ARHGAP28: variants seen among roughly 807,000 people sequenced by gnomAD.
ARHGAP28 encodes Rho GTPase activating protein 28.
A neutral mutation model predicts 90.7 loss-of-function variants in ARHGAP28; 56 were observed. That is an observed-to-expected ratio of 0.62 (90% CI 0.50 to 0.77). The LOEUF (loss-of-function observed/expected upper bound fraction) is 0.77. ARHGAP28 is among the 30% of genes least tolerant of loss of function. The pLI is 0.00. For synonymous variants in ARHGAP28, 308 were observed against 323.3 expected, an observed-to-expected ratio of 0.95 and a Z score of 0.51; for missense variants, 869 against 900.9, an observed-to-expected ratio of 0.96 and a Z score of 0.45.
At position 6,873,772 on chromosome 18, in the gene ARHGAP28, A is replaced by G. The variant is rs780286739; in HGVS notation, c.1209A>G (p.Gln403=). Residue 403 remains glutamine, a synonymous_variant, in exon 9 of 18, where the codon CAA becomes CAG. Coordinates refer to ENST00000383472, the MANE Select transcript of ARHGAP28 (RefSeq NM_001366230.1). Reference sequence around the variant, plus strand: ...GAGTGAAAGTTCCCCTGGTATTACAAAAAGTGAGTAGCAGGCAAATGAAAG... The same window carrying G: ...GAGTGAAAGTTCCCCTGGTATTACAGAAAGTGAGTAGCAGGCAAATGAAAG... ...DPGVKVPLVL[Q]KFFEKVEESG... 11 of 1,613,114 alleles carry G rather than the reference A, an allele frequency of 6.8e-6. No individual in the cohort carries two copies. In the Admixed American group the frequency reaches 8.3e-5, roughly 12 times the overall value.
chr18:6,813,147 A>T (rs1174190344), intron 1 of ARHGAP28, among the ~76,000 whole-genome samples: 2 of 152,242 alleles, frequency 1.3e-5, no homozygotes, highest in Admixed American at 6.5e-5. Flanking sequence ...CCACAGGGAA[A>T]GCTGAGTAAA....
intron 16 of ARHGAP28, among the ~76,000 whole-genome samples, chr18:6,904,737 G>T (rs538273037): frequency 1.6e-4 from 24 of 152,150 alleles, no homozygotes; most frequent in South Asian, 1.2e-3. Context: ...ATCAAAAACA[G>T]GATGGGATAT....
chr18:6,915,220 A>G lies in ARHGAP28; in HGVS notation c.*3066A>G, dbSNP rs6506454. 123,192 of 152,126 alleles carry G rather than the reference A, an allele frequency of 0.81. 50,182 individuals carry two copies. The highest frequency in any genetic ancestry group is 0.86 in the Non-Finnish European group (58,423 of 68,014). The allele number at this position is 152,126 out of a possible 1,614,324, so 9.4% of individuals were successfully genotyped here. ...TAACCATGTGCAGATGCAAGCGTTCAGGAGTAGGAATTAATGTCCATCTTT... is the reference window on the plus strand; with the variant it reads ...TAACCATGTGCAGATGCAAGCGTTCGGGAGTAGGAATTAATGTCCATCTTT... On this transcript the variant is annotated 3_prime_UTR_variant, in exon 18 of 18. Coordinates refer to ENST00000383472, the MANE Select transcript of ARHGAP28 (RefSeq NM_001366230.1).
chr18:6,826,683 C>CTT (rs36069648), intron 2 of ARHGAP28, among the ~76,000 whole-genome samples: 4,615 of 88,242 alleles, frequency 0.052, 227 homozygotes, highest in African/African-American at 0.066. Flanking sequence ...GGATTTTGAG[C>CTT]TTTTTTTTTT....
intron 1 of ARHGAP28, among the ~76,000 whole-genome samples, chr18:6,741,681 C>A (rs1250803349): frequency 3.9e-5 from 6 of 152,148 alleles, no homozygotes; most frequent in African/African-American, 1.4e-4. Context: ...AGTGCTTTGC[C>A]ATTTAGCGGA....
At chr18:6,775,666 T>A (rs2056277964) in intron 1 of ARHGAP28, among the ~76,000 whole-genome samples, 5 of 152,206 alleles carry the variant, frequency 3.3e-5, no homozygotes, top group Admixed American at 3.3e-4. Flanking sequence ...TGGTGATGAT[T>A]ACTAAATAGG....
chr18:6,874,407 G>C (rs2057115309), intron 9 of ARHGAP28, among the ~76,000 whole-genome samples: 1 of 152,164 alleles, frequency 6.6e-6, no homozygotes, highest in Non-Finnish European at 1.5e-5. Flanking sequence ...TAATATCTCT[G>C]TGACTATTGT....
chr18:6,818,100 C>T (rs972768069), intron 1 of ARHGAP28, among the ~76,000 whole-genome samples: 5 of 152,322 alleles, frequency 3.3e-5, no homozygotes, highest in South Asian at 2.1e-4. Flanking sequence ...CATGTATTCA[C>T]TCCTCGTAAC....
intron 10 of ARHGAP28, among the ~76,000 whole-genome samples, chr18:6,880,892 C>T (rs2057172894): frequency 6.6e-6 from 1 of 152,230 alleles, no homozygotes; most frequent in Non-Finnish European, 1.5e-5. Flanking sequence ...CATGCATCCT[C>T]TTTTCAGAGC....
chr18:6,876,859 A>G (rs2057134980), intron 10 of ARHGAP28, among the ~76,000 whole-genome samples: 1 of 152,212 alleles, frequency 6.6e-6, no homozygotes, highest in Non-Finnish European at 1.5e-5. Flanking sequence ...GGCAAACTCT[A>G]CAGTACAATA....
intron 1 of ARHGAP28, among the ~76,000 whole-genome samples, chr18:6,775,567 C>T (rs1261208938): frequency 2.0e-5 from 3 of 152,076 alleles, no homozygotes; most frequent in South Asian, 2.1e-4. Flanking sequence ...TAAGCAAAAC[C>T]GAGGGCAATG....
chr18:6,795,736 G>A (rs1433208869), intron 1 of ARHGAP28, among the ~76,000 whole-genome samples: 1 of 152,084 alleles, frequency 6.6e-6, no homozygotes, highest in Non-Finnish European at 1.5e-5. Flanking sequence ...CCTGCTCTAG[G>A]TCACACTTGA....
At chr18:6,780,843 G>T (rs1023257147) in intron 1 of ARHGAP28, among the ~76,000 whole-genome samples, 3 of 147,866 alleles carry the variant, frequency 2.0e-5, no homozygotes, top group Non-Finnish European at 4.4e-5. Flanking sequence ...AGTGAGCCGA[G>T]ATCACGCCAT....
chr18:6,863,715 T>C (rs964940041), intron 5 of ARHGAP28, among the ~76,000 whole-genome samples: 16 of 151,676 alleles, frequency 1.1e-4, no homozygotes, highest in Middle Eastern at 3.4e-3. Context: ...GTATATATTT[T>C]TGATATATTT....
rs376919020 is a variant in ARHGAP28, at chr18:6,868,177, C to T, written c.754C>T (p.Pro252Ser). Reference protein sequence around the residue: ...VAILETIPVLPVHSNGSPEPG... With the variant: ...VAILETIPVLSVHSNGSPEPG... The stretch of plus-strand genomic sequence containing the variant: ...TATACTTGAGACCATTCCAGTTCTA[C>T]CAGTTCATTCCAATGGATCACCGGA... Residue 252 changes from proline (P) to serine (S), a missense_variant, in exon 6 of 18, where the codon CCA (proline) becomes TCA (serine). Pro to Ser is a moderately conservative substitution (Grantham distance 74). Coordinates refer to ENST00000383472, the MANE Select transcript of ARHGAP28 (RefSeq NM_001366230.1). 3.1e-6 allele frequency: 5 copies of T among 1,614,116 alleles called. No individual in the cohort carries two copies. The highest frequency in any genetic ancestry group is 2.2e-5 in the East Asian group (1 of 44,880).
chr18:6,876,149 G>A lies in ARHGAP28; in HGVS notation c.1231G>A (p.Glu411Lys), dbSNP rs371304813. Residue 411 changes from glutamate (E) to lysine (K), a missense_variant, in exon 10 of 18, where the codon GAA becomes AAA. Coordinates refer to ENST00000383472, the MANE Select transcript of ARHGAP28 (RefSeq NM_001366230.1). ...TTTCTAGTTTTTTGAGAAAGTTGAG[G>A]AATCAGGTCTGGAATCTGAAGGAAT... ...VLQKFFEKVE[E>K]SGLESEGIFR... The A allele has an allele frequency of 2.2e-5, 36 of 1,613,770 alleles. No homozygotes were observed. The highest frequency in any genetic ancestry group is 1.6e-4 in the Middle Eastern group (1 of 6,084).
At chr18:6,874,562 T>G (rs534283982) in intron 9 of ARHGAP28, 1 of 152,250 alleles carries the variant, frequency 6.6e-6, no homozygotes, top group South Asian at 2.1e-4. Context: ...TTTGTGGAAT[T>G]TTAAATTGAG....
intron 16 of ARHGAP28, chr18:6,896,867 C>T (rs1366812541): frequency 2.7e-6 from 1 of 365,316 alleles, no homozygotes; most frequent in South Asian, 7.1e-5. Flanking sequence ...TATTGTCTAT[C>T]TTCGTAGCTT....
chr18:6,857,555 G>C (rs1488599408), intron 4 of ARHGAP28, among the ~76,000 whole-genome samples: 2 of 152,208 alleles, frequency 1.3e-5, no homozygotes, highest in Admixed American at 6.5e-5. Context: ...CAGGTTTTAG[G>C]TTGTGCCTCC....
Sources: allele counts gnomAD v4.1 joint callset (sites outside exome capture counted in the v4.1 genomes callset), GRCh38; gene constraint gnomAD v4.1.1; transcripts MANE v1.5; gene names NCBI Gene and HGNC (gene_info 2026-07-23, HGNC 2026-07-21).